ZFR2: variants seen among roughly 807,000 people sequenced by gnomAD.
ZFR2 encodes zinc finger RNA-binding protein 2.
ZFR2 carries 104 observed loss-of-function variants against 105.7 expected under a neutral mutation model. That is an observed-to-expected ratio of 0.98 (90% CI 0.84 to 1.16). ZFR2 has a LOEUF of 1.16. ZFR2 is among the 50% of genes most tolerant of loss of function. The pLI, the probability that ZFR2 is intolerant of heterozygous loss-of-function variation, is 0.00. For missense variants in ZFR2, 1,425 were observed against 1,355.5 expected, an observed-to-expected ratio of 1.05 and a Z score of -0.80; for synonymous variants, 634 against 597.7, an observed-to-expected ratio of 1.06 and a Z score of -0.89.
rs898462305 is a variant in ZFR2, at chr19:3,834,298, G to A, written c.264+475C>T. On this transcript the variant is annotated intron_variant, in intron 2 of 18. Transcript: ENST00000262961. The surrounding 1 kb of genome is among the most constrained non-coding windows in gnomAD (Gnocchi z 5.3). Reference sequence around the variant, plus strand: ...GCTGGATCTGCAGCCTGAGTGCCTCGGTTGGGAAGGTGAGGTCGTCAGCAC... The same window carrying A: ...GCTGGATCTGCAGCCTGAGTGCCTCAGTTGGGAAGGTGAGGTCGTCAGCAC... Among the ~76,000 whole-genome samples the A allele has an allele frequency of 4.6e-5, 7 of 151,836 alleles. No individual in the cohort carries two copies. The highest frequency in any genetic ancestry group is 1.7e-4 in the African/African-American group (7 of 41,396).
At chr19:3,868,896 G>T in intron 1 of ZFR2, 69 bp downstream of exon 1, 2 of 1,173,544 alleles carry the variant, frequency 1.7e-6, no homozygotes, top group Non-Finnish European at 2.2e-6. Context: ...GCGGGAGAAG[G>T]GGTAGGCGGG....
rs1214417741 is a variant in ZFR2 at position 3,805,075 on chromosome 19, T to C, written c.*874A>G. The stretch of plus-strand genomic sequence containing the variant: ...TTTGTAGAGATGGGGTGTCACCATA[T>C]TGCCCAGACTGATCTTAAACCGCTG... On this transcript the variant is annotated 3_prime_UTR_variant, in exon 19 of 19. Coordinates refer to ENST00000262961, the MANE Select transcript of ZFR2 (RefSeq NM_015174.2). 1 of 152,186 alleles carries C rather than the reference T, an allele frequency of 6.6e-6. No homozygotes were observed. The allele number at this position is 152,186 out of a possible 1,614,324, so 9.4% of individuals were successfully genotyped here.
At chr19:3,844,828 T>A (rs1302674777) in intron 1 of ZFR2, among the ~76,000 whole-genome samples, 4 of 152,184 alleles carry the variant, frequency 2.6e-5, no homozygotes, top group Non-Finnish European at 5.9e-5. Context: ...AAGGAATTCC[T>A]CTCCCTCCCT....
rs1170348435 is a variant in ZFR2, at chr19:3,820,195, C to T, written c.1727G>A (p.Ser576Asn). The T allele has an allele frequency of 1.3e-6, 2 of 1,552,338 alleles. No individual in the cohort carries two copies. The highest frequency in any genetic ancestry group is 1.4e-5 in the African/African-American group (1 of 73,124). The change falls in exon 11 of 19, where the codon AGC (serine) becomes AAC (asparagine). Residue 576 changes from serine (S) to asparagine (N), a missense_variant. Coordinates refer to ENST00000262961, the MANE Select transcript of ZFR2 (RefSeq NM_015174.2). Reference sequence around the variant, plus strand: ...AACTGTACCTACCTGGAGTGGGGCGCTGGCGGGTGACTCCGGCCTGCCCAT... The same window carrying T: ...AACTGTACCTACCTGGAGTGGGGCGTTGGCGGGTGACTCCGGCCTGCCCAT... ...LLMGRPESPA[S>N]APLQPGRRPA...
chr19:3,864,006 C>G (rs2038402315), intron 1 of ZFR2, among the ~76,000 whole-genome samples: 1 of 152,186 alleles, frequency 6.6e-6, no homozygotes, highest in Admixed American at 6.5e-5. Context: ...CTGCCCATCA[C>G]TAACAGAGTG....
intron 14 of ZFR2, 94 bp from the exon 15 acceptor site, chr19:3,811,460 C>CT (rs969937996): frequency 0.078 from 63,428 of 815,568 alleles, 135 homozygotes; most frequent in South Asian, 0.1. Context: ...CCCCTCGACG[C>CT]TTTTTTTTTT....
intron 1 of ZFR2, among the ~76,000 whole-genome samples, chr19:3,846,616 T>C (rs965306073): frequency 2.6e-5 from 4 of 152,198 alleles, no homozygotes; most frequent in African/African-American, 9.7e-5. Flanking sequence ...AAAAAGACTG[T>C]TTACTTGTTT....
Position 3,810,852 on chromosome 19 carries a change from G to A in ZFR2, c.2338-7C>T, listed in dbSNP as rs2037756062. On this transcript the variant is annotated splice_polypyrimidine_tract_variant and splice_region_variant and intron_variant, in intron 15 of 18. Transcript: ENST00000262961. ...GCAGGCCGCTGGCTCGAGCCTTCGG[G>A]GGAGAAGCACACGGTTAGCTTTCAG... 2 of 1,550,132 alleles carry A rather than the reference G, an allele frequency of 1.3e-6. No homozygotes were observed. Among genetic ancestry groups the A allele is most frequent in the Admixed American group, 2.0e-5 (1 of 50,984 alleles).
intron 1 of ZFR2, chr19:3,852,713 G>C: frequency 1.6e-6 from 1 of 644,458 alleles, no homozygotes. Context: ...GTGGTTTCAG[G>C]AGCTGAGCCA....
intron 1 of ZFR2, among the ~76,000 whole-genome samples, chr19:3,862,363 T>C (rs2038383267): frequency 6.6e-6 from 1 of 152,172 alleles, no homozygotes; most frequent in Non-Finnish European, 1.5e-5. Flanking sequence ...AATGGCGCAA[T>C]CTCAGCTCAC....
At position 3,831,467 on chromosome 19, in the gene ZFR2, G is replaced by C. The variant is rs758348343; in HGVS notation, c.688C>G (p.Pro230Ala). The C allele has an allele frequency of 1.0e-5, 16 of 1,550,166 alleles. No homozygotes were observed. The highest frequency in any genetic ancestry group is 1.0e-5 in the Non-Finnish European group (12 of 1,147,620). Residue 230 changes from proline to alanine, a missense_variant, in exon 5 of 19, where the codon CCG (proline) becomes GCG (alanine). Physicochemically the swap from Pro to Ala is conservative, Grantham distance 27. Transcript: ENST00000262961. ...GCGGGCGGCGGGGGCAGCTGCTGCG[G>C]GGGTCCCGGGGGAGGCGGGGGCTGC... ...PAQPPPPPGP[P>A]QQLPPPPAPA...
At chr19:3,868,047 G>A (rs774841855) in intron 1 of ZFR2, among the ~76,000 whole-genome samples, 2 of 151,502 alleles carry the variant, frequency 1.3e-5, no homozygotes, top group South Asian at 2.1e-4. Flanking sequence ...TCCAGCAATC[G>A]GGGATTAACG....
At chr19:3,815,918 A>AT (rs1207356973) in intron 13 of ZFR2, among the ~76,000 whole-genome samples, 159 of 148,462 alleles carry the variant, frequency 1.1e-3, no homozygotes, top group Non-Finnish European at 1.6e-3. Flanking sequence ...CGCCTGGCTA[A>AT]TTTTTTTTTT....
At chr19:3,833,862 C>T in intron 2 of ZFR2, 84 bp from the exon 3 acceptor site, 1 of 1,023,636 alleles carries the variant, frequency 9.8e-7, no homozygotes, top group South Asian at 1.5e-5. Flanking sequence ...TGCCACACTG[C>T]ACTCTGCACT....
chr19:3,838,901 GT>G lies in ZFR2; in HGVS notation c.54-3919del, dbSNP rs542061685. Reference sequence around the variant, plus strand: ...CAGCTGTCTCCCGGGGCCGCGGCACGTGGCATGCAGCAGGGGCTCCATGCAC... The same window carrying G: ...CAGCTGTCTCCCGGGGCCGCGGCACGGGCATGCAGCAGGGGCTCCATGCAC... On this transcript the variant is annotated intron_variant, in intron 1 of 18. Coordinates refer to ENST00000262961, the MANE Select transcript of ZFR2 (RefSeq NM_015174.2). This position sits in a 1 kb window ranked among gnomAD's most constrained non-coding sequence, Gnocchi z 4.9. Among the ~76,000 whole-genome samples the G allele has an allele frequency of 1.6e-3, 247 of 152,290 alleles. 2 individuals are homozygous for G. Among genetic ancestry groups the G allele is most frequent in the African/African-American group, 5.8e-3 (242 of 41,566 alleles).
At position 3,823,161 on chromosome 19, in the gene ZFR2, G is replaced by C. The variant is rs1390638235; in HGVS notation, c.1371+85C>G. 2.5e-6 allele frequency: 4 copies of C among 1,587,060 alleles called. No homozygotes were observed. Among genetic ancestry groups the C allele is most frequent in the Non-Finnish European group, 3.4e-6 (4 of 1,163,002 alleles). On this transcript the variant is annotated intron_variant, in intron 8 of 18. Transcript: ENST00000262961. This position sits in a 1 kb window ranked among gnomAD's most constrained non-coding sequence, Gnocchi z 5.4. Reference sequence around the variant, plus strand: ...GGGATGGGTCTGTAAATCTCGCTGGGAGAAGCCGGGTGAGGTCTCGAAGCC... The same window carrying C: ...GGGATGGGTCTGTAAATCTCGCTGGCAGAAGCCGGGTGAGGTCTCGAAGCC...
chr19:3,832,859 G>A (rs892368730), intron 3 of ZFR2, among the ~76,000 whole-genome samples: 1 of 151,158 alleles, frequency 6.6e-6, no homozygotes, highest in East Asian at 2.0e-4. Flanking sequence ...GGCTGGTCTC[G>A]AACTCCTAGG....
chr19:3,852,048 T>G (rs922858150), intron 1 of ZFR2: 23 of 240,344 alleles, frequency 9.6e-5, no homozygotes, highest in Non-Finnish European at 1.8e-4. Context: ...GCTGGGCAGC[T>G]CTCCTGGCCA....
At chr19:3,837,792 G>A (rs945475474) in intron 1 of ZFR2, among the ~76,000 whole-genome samples, 1 of 151,638 alleles carries the variant, frequency 6.6e-6, no homozygotes, top group Non-Finnish European at 1.5e-5. Context: ...CACCTTGACT[G>A]TGACACTCAA....
Sources: allele counts gnomAD v4.1 joint callset (sites outside exome capture counted in the v4.1 genomes callset), GRCh38; gene constraint gnomAD v4.1.1; non-coding constraint Gnocchi (gnomAD v3.1); transcripts MANE v1.5; gene names NCBI Gene and HGNC (gene_info 2026-07-23, HGNC 2026-07-21).